CEP126: variants seen among roughly 807,000 people sequenced by gnomAD.
CEP126 encodes the protein centrosomal protein 126.
CEP126 carries 74 observed loss-of-function variants against 107.8 expected under a neutral mutation model. The observed-to-expected ratio is 0.69, with a 90% CI of 0.57 to 0.83. CEP126 has a LOEUF of 0.83. Among genes scored for constraint, CEP126 ranks in the 40% least tolerant of loss-of-function variants. The probability of loss-of-function intolerance (pLI) is 0.00; values close to 1 mark genes in which losing one functional copy is unlikely to be tolerated. For synonymous variants in CEP126, 449 were observed against 446.0 expected, an observed-to-expected ratio of 1.01 and a Z score of -0.08; for missense variants, 1,237 against 1,281.9, an observed-to-expected ratio of 0.96 and a Z score of 0.53.
rs115039631 is a variant in CEP126 at position 101,921,434 on chromosome 11, C to T, written c.129-1207C>T. 7.2e-3 allele frequency among the ~76,000 whole-genome samples: 1,088 copies of T among 152,124 alleles called. 16 individuals carry two copies. The highest frequency in any genetic ancestry group is 0.025 in the African/African-American group (1,048 of 41,526). Reference sequence around the variant, plus strand: ...AATATCTGTGTAATGAGGCCAAGCACGGTGGCTCACGCCTGTAATCACACC... The same window carrying T: ...AATATCTGTGTAATGAGGCCAAGCATGGTGGCTCACGCCTGTAATCACACC... On this transcript the variant is annotated intron_variant, in intron 1 of 10. Transcript: ENST00000263468.
intron 2 of CEP126, among the ~76,000 whole-genome samples, chr11:101,932,878 A>AT (rs1940522919): frequency 6.6e-6 from 1 of 152,170 alleles, no homozygotes; most frequent in Admixed American, 6.5e-5. Context: ...CCTGAACCGT[A>AT]TCTGTTTTAC....
At chr11:101,985,424 A>G (rs909891149) in intron 8 of CEP126, among the ~76,000 whole-genome samples, 7 of 152,088 alleles carry the variant, frequency 4.6e-5, no homozygotes, top group African/African-American at 1.4e-4. Context: ...CTGGGATGAC[A>G]GGCGTATGCC....
intron 1 of CEP126, among the ~76,000 whole-genome samples, chr11:101,922,423 A>T (rs1306005455): frequency 1.3e-5 from 2 of 152,012 alleles, no homozygotes; most frequent in Non-Finnish European, 2.9e-5. Flanking sequence ...TCAGCCTCCT[A>T]AAGTGATGGA....
intron 1 of CEP126, among the ~76,000 whole-genome samples, chr11:101,919,366 A>T (rs1385782342): frequency 6.6e-6 from 1 of 152,186 alleles, no homozygotes; most frequent in African/African-American, 2.4e-5. Context: ...TTGGGAGAGG[A>T]GAAGTGAGGA....
chr11:101,945,632 T>G (rs1940724513), intron 3 of CEP126, among the ~76,000 whole-genome samples: 1 of 152,172 alleles, frequency 6.6e-6, no homozygotes, highest in Non-Finnish European at 1.5e-5. Flanking sequence ...AGAGCTGGTT[T>G]GATGATTATA....
chr11:101,924,522 G>A (rs556117772), intron 2 of CEP126, among the ~76,000 whole-genome samples: 2 of 152,160 alleles, frequency 1.3e-5, no homozygotes, highest in Middle Eastern at 6.8e-3. Context: ...CTGGAGTACA[G>A]GGGCACAATC....
Position 101,977,448 on chromosome 11 carries a change from T to A in CEP126, c.2846-899T>A, listed in dbSNP as rs150569396. On this transcript the variant is annotated intron_variant, in intron 6 of 10. Coordinates refer to ENST00000263468, the MANE Select transcript of CEP126 (RefSeq NM_020802.4). ...GAGATCGAAACCATCCTGGCCAACA[T>A]GGTGAAACCCCGTCTCTACTAAAAA... 9.5e-3 allele frequency among the ~76,000 whole-genome samples: 1,437 copies of A among 151,764 alleles called. 69 individuals are homozygous for A. Among genetic ancestry groups the A allele is most frequent in the Admixed American group, 0.084 (1,282 of 15,224 alleles).
intron 8 of CEP126, among the ~76,000 whole-genome samples, chr11:101,982,398 A>G (rs1469390619): frequency 6.6e-6 from 1 of 152,220 alleles, no homozygotes; most frequent in African/African-American, 2.4e-5. Flanking sequence ...CCAGTGGTGT[A>G]TGTCAACTTG....
At chr11:101,966,251 A>G (rs942205890) in intron 6 of CEP126, among the ~76,000 whole-genome samples, 4 of 152,204 alleles carry the variant, frequency 2.6e-5, no homozygotes, top group Non-Finnish European at 1.5e-5. Flanking sequence ...AATATTTTGT[A>G]TGTTCAGTCA....
Position 101,962,991 on chromosome 11 carries a change from A to C in CEP126, c.1956A>C (p.Lys652Asn). The C allele has an allele frequency of 6.2e-7, 1 of 1,613,520 alleles. No individual in the cohort carries two copies. Among genetic ancestry groups the C allele is most frequent in the Non-Finnish European group, 8.5e-7 (1 of 1,179,876 alleles). Residue 652 changes from lysine to asparagine, a missense_variant, in exon 6 of 11, where the codon AAA becomes AAC. Lys to Asn is a moderately conservative substitution (Grantham distance 94). Coordinates refer to ENST00000263468, the MANE Select transcript of CEP126 (RefSeq NM_020802.4). The stretch of plus-strand genomic sequence containing the variant: ...AAAACAGTCATTCACTGAAGAATAA[A>C]ACAGGAACAACTCAACAGCATTCTC... ...NAENSHSLKN[K>N]TGTTQQHSQQ...
chr11:101,929,704 C>T (rs1940464732), intron 2 of CEP126, among the ~76,000 whole-genome samples: 1 of 152,170 alleles, frequency 6.6e-6, no homozygotes, highest in South Asian at 2.1e-4. Context: ...GAGGAGAAGA[C>T]CACTTTACCA....
rs955280857 is a variant in CEP126, at chr11:102,000,219, A to T, written c.*2576A>T. 3.3e-5 allele frequency: 5 copies of T among 152,106 alleles called. No individual in the cohort carries two copies. Among genetic ancestry groups the T allele is most frequent in the Admixed American group, 6.5e-5 (1 of 15,276 alleles). 9.4% of individuals were successfully genotyped at this position (152,106 alleles called of 1,614,324 possible). ...AATAAAAATAAAAATGTTACTTTTT[A>T]AAAAGTAACTTTTTTAATAATATAA... On this transcript the variant is annotated 3_prime_UTR_variant, in exon 11 of 11. Transcript: ENST00000263468.
At chr11:101,937,920 G>C (rs1373496211) in intron 2 of CEP126, among the ~76,000 whole-genome samples, 1 of 151,460 alleles carries the variant, frequency 6.6e-6, no homozygotes, top group African/African-American at 2.4e-5. Flanking sequence ...TTGGGAGGCC[G>C]AGGCGGGTGG....
Position 101,915,586 on chromosome 11 carries a change from A to AT in CEP126, c.128+178dup, listed in dbSNP as rs374496714. The stretch of plus-strand genomic sequence containing the variant: ...CTCACCTTAGACCTGAAATTATACC[A>AT]TTTTATCTAATTCTGTGGCTGCTTC... On this transcript the variant is annotated intron_variant, in intron 1 of 10. Coordinates refer to ENST00000263468, the MANE Select transcript of CEP126 (RefSeq NM_020802.4). 4.4e-3 allele frequency among the ~76,000 whole-genome samples: 668 copies of AT among 152,238 alleles called. 5 individuals are homozygous for AT. Among genetic ancestry groups the AT allele is most frequent in the African/African-American group, 0.015 (643 of 41,548 alleles).
At chr11:101,975,696 A>AGG (rs1350721353) in intron 6 of CEP126, among the ~76,000 whole-genome samples, 4 of 152,328 alleles carry the variant, frequency 2.6e-5, no homozygotes, top group African/African-American at 9.6e-5. Flanking sequence ...GGAAGTAAGC[A>AGG]TAGTACCTGG....
chr11:101,981,515 G>A lies in CEP126; in HGVS notation c.2959-374G>A, dbSNP rs147064687. Among the ~76,000 whole-genome samples, 143 of 152,108 alleles carry A rather than the reference G, an allele frequency of 9.4e-4. 2 individuals carry two copies. The highest frequency in any genetic ancestry group is 8.1e-3 in the East Asian group (42 of 5,158). On this transcript the variant is annotated intron_variant, in intron 7 of 10. Transcript: ENST00000263468. ...TCACCGTGTTAGCCAGGATGGTCTC[G>A]ATCTCCTGACCTTGTCATCTGCCCA...
Position 101,915,189 on chromosome 11 carries a change from G to T in CEP126, c.-96G>T. The T allele has an allele frequency of 1.3e-6, 2 of 1,541,442 alleles. No homozygotes were observed. Among genetic ancestry groups the T allele is most frequent in the Middle Eastern group, 2.4e-4 (1 of 4,236 alleles). Reference sequence around the variant, plus strand: ...GCCCGTGACGCGGGGCCTGAGAGACGGAGTGTAGGGAGGGGCCGAGCAGGA... The same window carrying T: ...GCCCGTGACGCGGGGCCTGAGAGACTGAGTGTAGGGAGGGGCCGAGCAGGA... On this transcript the variant is annotated 5_prime_UTR_variant, in exon 1 of 11. Transcript: ENST00000263468.
At chr11:101,986,181 C>T (rs1206599556) in intron 8 of CEP126, among the ~76,000 whole-genome samples, 13 of 152,028 alleles carry the variant, frequency 8.6e-5, no homozygotes, top group Admixed American at 7.9e-4. Flanking sequence ...CGAGGTTTCA[C>T]CATGTTGGCC....
chr11:101,996,532 G>A (rs1351079346), intron 10 of CEP126, among the ~76,000 whole-genome samples: 3 of 152,064 alleles, frequency 2.0e-5, no homozygotes, highest in Non-Finnish European at 2.9e-5. Context: ...TTCTTATAAT[G>A]GCTTTGTTTT....
Sources: allele counts gnomAD v4.1 joint callset (sites outside exome capture counted in the v4.1 genomes callset), GRCh38; gene constraint gnomAD v4.1.1; transcripts MANE v1.5; gene names NCBI Gene and HGNC (gene_info 2026-07-23, HGNC 2026-07-21).